Variants in HECW2 observed in about 807,000 individuals in gnomAD.
The protein encoded by HECW2 is E3 ubiquitin-protein ligase HECW2.
A neutral mutation model predicts 175.2 loss-of-function variants in HECW2; 61 were observed. The observed-to-expected ratio is 0.35, with a 90% confidence interval of 0.28 to 0.43. The LOEUF (loss-of-function observed/expected upper bound fraction) is 0.43, where lower values mean the gene tolerates loss of function less well. HECW2 is among the 20% of genes least tolerant of loss of function. HECW2 has a pLI of 1.00. For synonymous variants in HECW2, 671 were observed against 731.0 expected, an observed-to-expected ratio of 0.92 and a Z score of 1.32; for missense variants, 1,524 against 2,000.5, an observed-to-expected ratio of 0.76 and a Z score of 4.54.
chr2:196,549,219 T>A (rs1476807856), intron 1 of HECW2, among the ~76,000 whole-genome samples: 1 of 152,176 alleles, frequency 6.6e-6, no homozygotes, highest in African/African-American at 2.4e-5. Context: ...AGGAAACACA[T>A]GCATAACTGC....
intron 13 of HECW2, among the ~76,000 whole-genome samples, chr2:196,299,700 T>C (rs539362338): frequency 3.5e-4 from 53 of 152,072 alleles, no homozygotes; most frequent in African/African-American, 1.2e-3. Context: ...GAGGCCGAGG[T>C]CGGCGGATCA....
intron 1 of HECW2, among the ~76,000 whole-genome samples, chr2:196,514,188 A>C (rs1688060241): frequency 6.6e-6 from 1 of 152,172 alleles, no homozygotes; most frequent in Non-Finnish European, 1.5e-5. Flanking sequence ...CCCTGCTTCT[A>C]GTGCCCACTC....
chr2:196,444,441 G>A (rs1696126510), intron 1 of HECW2, among the ~76,000 whole-genome samples: 1 of 152,286 alleles, frequency 6.6e-6, no homozygotes, highest in South Asian at 2.1e-4. Flanking sequence ...CTATCATGCA[G>A]TCTATACTCC....
At chr2:196,368,544 T>C (rs1308204494) in intron 2 of HECW2, among the ~76,000 whole-genome samples, 1 of 152,172 alleles carries the variant, frequency 6.6e-6, no homozygotes, top group Non-Finnish European at 1.5e-5. Flanking sequence ...GGTTTTCTGT[T>C]ATTATCTCTT....
chr2:196,516,575 T>G (rs1229443633), intron 1 of HECW2, among the ~76,000 whole-genome samples: 1 of 152,254 alleles, frequency 6.6e-6, no homozygotes, highest in Non-Finnish European at 1.5e-5. Context: ...TTTGTTTTTC[T>G]AGTAATTCAC....
chr2:196,199,931 C>G lies in HECW2; in HGVS notation c.*1346G>C, dbSNP rs549392314. ...AGTTCTGAGTTTCAATTTGTGGTGT[C>G]TTCACTGATGAGGGAAAATGGAATT... is the stretch of plus-strand genomic sequence containing the variant. On this transcript the variant is annotated 3_prime_UTR_variant, in exon 29 of 29. Transcript: ENST00000644978. 7.5e-4 allele frequency: 114 copies of G among 152,674 alleles called. 1 individual carries two copies. The highest frequency in any genetic ancestry group is 2.6e-3 in the African/African-American group (106 of 41,568). The allele number at this position is 152,674 out of a possible 1,614,324, so 9.5% of individuals were successfully genotyped here.
intron 1 of HECW2, among the ~76,000 whole-genome samples, chr2:196,506,420 A>T (rs1527785): frequency 1 from 152,275 of 152,290 alleles, 76,130 homozygotes; most frequent in Non-Finnish European, 1. Context: ...TTTTACCAGC[A>T]GGGGATATAT....
At chr2:196,225,908 G>A (rs1275799670) in intron 22 of HECW2, 38 bp from the exon 23 acceptor site, 11 of 1,307,556 alleles carry the variant, frequency 8.4e-6, no homozygotes, top group Admixed American at 3.4e-5. Context: ...ACATGTCATG[G>A]AGCAGTTTCT....
chr2:196,213,594 A>G (rs1687367974), intron 28 of HECW2, among the ~76,000 whole-genome samples: 1 of 152,210 alleles, frequency 6.6e-6, no homozygotes, highest in African/African-American at 2.4e-5. Flanking sequence ...CAATGTGCCT[A>G]AGACCATCTT....
chr2:196,549,730 T>C (rs1689547784), intron 1 of HECW2, among the ~76,000 whole-genome samples: 1 of 152,160 alleles, frequency 6.6e-6, no homozygotes, highest in Non-Finnish European at 1.5e-5. Flanking sequence ...AGCTCCTACA[T>C]AGACAGATTA....
chr2:196,307,859 T>C, intron 11 of HECW2, 76 bp downstream of exon 11: 11 of 1,307,456 alleles, frequency 8.4e-6, no homozygotes, highest in Non-Finnish European at 1.0e-5. Context: ...GAGACAACCA[T>C]GTCTTCTACT....
intron 2 of HECW2, among the ~76,000 whole-genome samples, chr2:196,362,784 T>A (rs1693634342): frequency 6.6e-6 from 1 of 152,126 alleles, no homozygotes; most frequent in Non-Finnish European, 1.5e-5. Flanking sequence ...CACCATTCTT[T>A]AATGGAGAAA....
At chr2:196,279,491 T>A (rs1490550125) in intron 14 of HECW2, among the ~76,000 whole-genome samples, 1 of 152,186 alleles carries the variant, frequency 6.6e-6, no homozygotes, top group Non-Finnish European at 1.5e-5. Context: ...GGGACTTTAT[T>A]TTATGTGTGT....
At chr2:196,487,641 T>A (rs1351308253) in intron 1 of HECW2, among the ~76,000 whole-genome samples, 2 of 152,150 alleles carry the variant, frequency 1.3e-5, no homozygotes, top group East Asian at 3.8e-4. Flanking sequence ...CAATGCTTTG[T>A]TAGATAATTT....
chr2:196,541,504 C>G (rs919644322), intron 1 of HECW2, among the ~76,000 whole-genome samples: 4 of 151,942 alleles, frequency 2.6e-5, no homozygotes, highest in African/African-American at 4.8e-5. Flanking sequence ...TTCCCAAGAG[C>G]CTTTAAGTCC....
At chr2:196,556,998 T>C (rs1336442125) in intron 1 of HECW2, among the ~76,000 whole-genome samples, 2 of 152,232 alleles carry the variant, frequency 1.3e-5, no homozygotes, top group African/African-American at 4.8e-5. Context: ...CAAACTCATA[T>C]AGAATAATAG....
chr2:196,348,723 G>T (rs1693056459), intron 2 of HECW2, among the ~76,000 whole-genome samples: 3 of 152,166 alleles, frequency 2.0e-5, no homozygotes, highest in Admixed American at 1.3e-4. Flanking sequence ...GTGTAATATA[G>T]AAGTAATTAT....
intron 1 of HECW2, among the ~76,000 whole-genome samples, chr2:196,446,867 T>C (rs962057232): frequency 6.6e-6 from 1 of 152,170 alleles, no homozygotes; most frequent in African/African-American, 2.4e-5. Flanking sequence ...AAATAAGAGT[T>C]ATCCAATGCC....
Position 196,198,962 on chromosome 2 carries a change from A to G in HECW2, c.*2315T>C, listed in dbSNP as rs1057431750. On this transcript the variant is annotated 3_prime_UTR_variant, in exon 29 of 29. Coordinates refer to ENST00000644978, the MANE Select transcript of HECW2 (RefSeq NM_001348768.2). ...TAAAGTGTACTGTTATTTGGGAAAA[A>G]GTTGGATGCCTTAATAAAGAAATAT... 6.6e-6 allele frequency: 1 copy of G among 152,186 alleles called. No individual in the cohort carries two copies. The highest frequency in any genetic ancestry group is 1.9e-4 in the East Asian group (1 of 5,202). 9.4% of individuals were successfully genotyped at this position (152,186 alleles called of 1,614,324 possible). A position where few individuals can be genotyped will look rare whatever the true frequency, so the allele number is the denominator to read the frequency against.
Sources: allele counts gnomAD v4.1 joint callset (sites outside exome capture counted in the v4.1 genomes callset), GRCh38; gene constraint gnomAD v4.1.1; transcripts MANE v1.5; gene names NCBI Gene and HGNC (gene_info 2026-07-23, HGNC 2026-07-21).